Variants in TOGARAM2 observed in about 807,000 individuals in gnomAD.
TOGARAM2 encodes TOG array regulator of axonemal microtubules 2.
Under a neutral mutation model 93.3 loss-of-function variants are expected in TOGARAM2, and 85 were observed. The observed-to-expected ratio is 0.91, with a 90% CI of 0.76 to 1.09. The LOEUF (loss-of-function observed/expected upper bound fraction) is 1.09. Ranked by LOEUF, TOGARAM2 falls within the 50% of genes least tolerant of loss-of-function variation. The pLI, the probability that TOGARAM2 is intolerant of heterozygous loss-of-function variation, is 0.00. For synonymous variants in TOGARAM2, 593 were observed against 552.8 expected (o/e 1.07, Z -1.02); for missense variants, 1,277 against 1,334.5 (o/e 0.96, Z 0.67).
At chr2:29,042,915 C>T (rs1184178759) in intron 18 of TOGARAM2, among the ~76,000 whole-genome samples, 1 of 152,222 alleles carries the variant, frequency 6.6e-6, no homozygotes, top group East Asian at 1.9e-4. Flanking sequence ...TGGAGTTATA[C>T]GTCTGTGCTC....
intron 6 of TOGARAM2, among the ~76,000 whole-genome samples, chr2:29,005,992 T>TGTGGAGTGTGTGTGC (rs139827832): frequency 0.73 from 105,642 of 144,452 alleles, 39,812 homozygotes; most frequent in Non-Finnish European, 0.84. Flanking sequence ...AGTGCATGTG[T>TGTGGAGTGTGTGTGC]AGGGTGTGTA....
Position 28,970,100 on chromosome 2 carries a change from C to T in TOGARAM2, c.-147+13403C>T, listed in dbSNP as rs368193148. On this transcript the variant is annotated intron_variant, in intron 1 of 6. Coordinates refer to the TOGARAM2 transcript ENST00000401723. ...TGCTAGGATTACAGGCATGAGCCAC[C>T]GTGCCCGACATCGGTTGTCTTGTAT... Among the ~76,000 whole-genome samples the T allele has an allele frequency of 2.6e-5, 4 of 151,722 alleles. No individual in the cohort carries two copies. In the East Asian group the frequency reaches 5.8e-4, roughly 22 times the overall value.
chr2:29,042,289 C>A (rs895006843), intron 18 of TOGARAM2, among the ~76,000 whole-genome samples: 1 of 152,246 alleles, frequency 6.6e-6, no homozygotes, highest in Non-Finnish European at 1.5e-5. Flanking sequence ...CATTGCCCTG[C>A]AGCTACAAGC....
intron 12 of TOGARAM2, among the ~76,000 whole-genome samples, chr2:29,023,680 G>A (rs1372342512): frequency 6.6e-6 from 1 of 152,172 alleles, no homozygotes; most frequent in Non-Finnish European, 1.5e-5. Flanking sequence ...ACGCTGTTTT[G>A]TTAACACAGG....
chr2:28,972,689 A>G (rs1671965550), intron 1 of TOGARAM2, among the ~76,000 whole-genome samples: 1 of 152,208 alleles, frequency 6.6e-6, no homozygotes, highest in African/African-American at 2.4e-5. Context: ...GGCCAAAGGC[A>G]TGATTCCAGA....
At position 28,958,390 on chromosome 2, in the gene TOGARAM2, C is replaced by T. The variant is rs905624578; in HGVS notation, c.-147+1693C>T. ...GCATGATCATGGCTCACTGCAGCCT[C>T]GGACTCCCAGGCTCAAGTGATCCTC... is the stretch of plus-strand genomic sequence containing the variant. On this transcript the variant is annotated intron_variant, in intron 1 of 6. Transcript: ENST00000401723. 2.2e-4 allele frequency among the ~76,000 whole-genome samples: 33 copies of T among 151,728 alleles called. 1 individual carries two copies. The Middle Eastern group carries it at 0.01, about 47-fold the overall frequency.
chr2:28,985,796 AAAC>A (rs1672439422), intron 1 of TOGARAM2, among the ~76,000 whole-genome samples: 1 of 152,220 alleles, frequency 6.6e-6, no homozygotes, highest in African/African-American at 2.4e-5. Context: ...TCATCGTCTA[AAAC>A]AACATTGCCA....
chr2:28,979,999 G>GGCAA (rs1478405839), upstream of TOGARAM2, among the ~76,000 whole-genome samples: 1 of 152,160 alleles, frequency 6.6e-6, no homozygotes, highest in Non-Finnish European at 1.5e-5. Flanking sequence ...TGTGGCTTGG[G>GGCAA]GCAAGGGCTT....
chr2:29,006,057 G>A (rs1023239490), intron 6 of TOGARAM2, among the ~76,000 whole-genome samples: 815 of 50,600 alleles, frequency 0.016, 5 homozygotes, highest in Non-Finnish European at 0.035. Context: ...TGGAGTGTGT[G>A]TGTATGTGTA....
At chr2:28,987,892 A>C in intron 1 of TOGARAM2, among the ~76,000 whole-genome samples, 1 of 152,202 alleles carries the variant, frequency 6.6e-6, no homozygotes, top group Non-Finnish European at 1.5e-5. Flanking sequence ...AGCTGGAGTC[A>C]GGGGCCTGAG....
rs139312547 is a variant in TOGARAM2 at position 29,035,498 on chromosome 2, C to T, written c.2260C>T (p.Arg754Cys). The T allele has an allele frequency of 4.3e-5, 64 of 1,496,202 alleles. No individual in the cohort carries two copies. Among genetic ancestry groups the T allele is most frequent in the African/African-American group, 3.7e-4 (27 of 72,164 alleles). The allele number at this position is 1,496,202 out of a possible 1,614,324, so 92.7% of individuals were successfully genotyped here. ...SCNGPRLVGLRSTLQGRGEMV... is the reference protein window; with the variant it reads ...SCNGPRLVGLCSTLQGRGEMV... The stretch of plus-strand genomic sequence containing the variant: ...CAATGGCCCAAGGCTGGTGGGGCTG[C>T]GCTCCACACTGCAGGGCCGCGGGGA... Residue 754 changes from arginine to cysteine, a missense_variant, in exon 17 of 20, where the codon CGC becomes TGC. Physicochemically the swap from Arg to Cys is radical, Grantham distance 180. Coordinates refer to ENST00000379558, the MANE Select transcript of TOGARAM2 (RefSeq NM_199280.4).
chr2:28,966,359 G>T (rs1671867482), intron 1 of TOGARAM2, among the ~76,000 whole-genome samples: 1 of 152,076 alleles, frequency 6.6e-6, no homozygotes, highest in African/African-American at 2.4e-5. Context: ...GTTCAGTGGT[G>T]TGATCTCAGC....
rs768736776 is a variant in TOGARAM2 at position 29,003,631 on chromosome 2, C to A, written c.779C>A (p.Pro260Gln). The A allele has an allele frequency of 1.3e-6, 2 of 1,593,808 alleles. No individual in the cohort carries two copies. The highest frequency in any genetic ancestry group is 8.5e-7 in the Non-Finnish European group (1 of 1,171,166). Residue 260 changes from proline to glutamine, a missense_variant, in exon 6 of 20, where the codon CCG becomes CAG. Pro to Gln is a moderately conservative substitution (Grantham distance 76). Transcript: ENST00000379558. ...PSRVPGSLPS[P>Q]LPPGQGVLTG... is the part of the protein sequence containing the mutation. ...CGTGTGCCTGGCTCCCTTCCCAGCC[C>A]GTTACCTCCAGGCCAGGGAGTCCTC...
intron 1 of TOGARAM2, among the ~76,000 whole-genome samples, chr2:28,974,836 G>A (rs937529995): frequency 1.3e-5 from 2 of 151,548 alleles, no homozygotes; most frequent in African/African-American, 4.8e-5. Flanking sequence ...TCACTATATT[G>A]GCCAGTCTGG....
intron 18 of TOGARAM2, among the ~76,000 whole-genome samples, chr2:29,038,314 T>TG (rs1443554951): frequency 1.3e-5 from 2 of 152,242 alleles, no homozygotes; most frequent in East Asian, 3.9e-4. Context: ...CCAGAGGCTT[T>TG]GGTGCAATGG....
rs1382502866 is a variant in TOGARAM2 at position 29,014,562 on chromosome 2, G to T, written c.1044+1G>T. On this transcript the variant is annotated splice_donor_variant, in intron 8 of 19. Coordinates refer to ENST00000379558, the MANE Select transcript of TOGARAM2 (RefSeq NM_199280.4). LOFTEE classifies it high-confidence loss of function. ...GGACCAGAAGGAGATCGGCACCAAG[G>T]TACCTGGGGAGCGGGAGGAGGAGGA... The T allele has an allele frequency of 6.4e-7, 1 of 1,564,588 alleles. No individual in the cohort carries two copies. The highest frequency in any genetic ancestry group is 8.7e-7 in the Non-Finnish European group (1 of 1,154,056).
intron 1 of TOGARAM2, among the ~76,000 whole-genome samples, chr2:28,959,682 G>T (rs1036590888): frequency 3.9e-5 from 6 of 152,152 alleles, no homozygotes; most frequent in African/African-American, 1.2e-4. Flanking sequence ...GGCGGAGCTT[G>T]CAGTGAGCTG....
chr2:28,984,671 C>T (rs561467327), intron 1 of TOGARAM2, among the ~76,000 whole-genome samples: 20 of 152,292 alleles, frequency 1.3e-4, no homozygotes, highest in African/African-American at 4.6e-4. Flanking sequence ...ATTTTTCATT[C>T]GAGACTCCAG....
At chr2:29,027,053 A>G (rs992388763) in intron 14 of TOGARAM2, 42 bp downstream of exon 14, 1 of 1,512,248 alleles carries the variant, frequency 6.6e-7, no homozygotes, top group Non-Finnish European at 8.9e-7. Context: ...AAGGCAACCA[A>G]CCAGCCAGCC....
Sources: gnomAD v4.1 joint callset for allele counts (sites outside exome capture counted in the v4.1 genomes callset) on GRCh38, gnomAD v4.1.1 for gene constraint, MANE v1.5 for transcripts, NCBI Gene and HGNC (gene_info 2026-07-23, HGNC 2026-07-21) for gene names.